Variants in SEPTIN4 observed in about 807,000 individuals in gnomAD.
SEPTIN4 encodes the protein septin 4.
SEPTIN4 carries 52 observed loss-of-function variants against 107.1 expected under a neutral mutation model. The observed-to-expected ratio is 0.49, with a 90% confidence interval of 0.39 to 0.61. The LOEUF (loss-of-function observed/expected upper bound fraction) is 0.61. Ranked by LOEUF, SEPTIN4 falls within the 20% of genes least tolerant of loss-of-function variation. SEPTIN4 has a pLI of 0.00. For synonymous variants in SEPTIN4, 417 were observed against 467.0 expected (o/e 0.89, Z 1.38); for missense variants, 1,048 against 1,243.5 (o/e 0.84, Z 2.36).
At chr17:58,537,943 G>T (rs1223671533) in intron 3 of SEPTIN4, among the ~76,000 whole-genome samples, 1 of 151,366 alleles carries the variant, frequency 6.6e-6, no homozygotes, top group African/African-American at 2.4e-5. Flanking sequence ...CAAAGCAAGA[G>T]AAATGCCGGG....
At chr17:58,537,956 C>G (rs977335711) in intron 3 of SEPTIN4, among the ~76,000 whole-genome samples, 1 of 150,942 alleles carries the variant, frequency 6.6e-6, no homozygotes, top group Non-Finnish European at 1.5e-5. Flanking sequence ...ATGCCGGGTG[C>G]AGTGGTTGGT....
Position 58,543,318 on chromosome 17 carries a change from C to T in SEPTIN4, c.869G>A (p.Arg290Gln), listed in dbSNP as rs765259933. 17 of 1,614,148 alleles carry T rather than the reference C, an allele frequency of 1.1e-5. No individual in the cohort carries two copies. Among genetic ancestry groups the T allele is most frequent in the Middle Eastern group, 1.6e-4 (1 of 6,062 alleles). The change falls in exon 1 of 14, where the codon CGG becomes CAG. Residue 290 changes from arginine to glutamine, a missense_variant. Coordinates refer to ENST00000672673, the MANE Select transcript of SEPTIN4 (RefSeq NM_001368771.2). ...CTTATGAAGAGACTCAGGGTCTACC[C>T]GTGCAGAAACTCGGTGTACACCATC... ...DSDGVHRVSA[R>Q]VDPESLHKYS...
chr17:58,521,020 C>A lies in SEPTIN4; in HGVS notation c.2809G>T (p.Val937Leu), dbSNP rs767092132. The A allele has an allele frequency of 6.2e-7, 1 of 1,614,174 alleles. No individual in the cohort carries two copies. The highest frequency in any genetic ancestry group is 8.5e-7 in the Non-Finnish European group (1 of 1,180,020). Residue 937 changes from valine (V) to leucine (L), a missense_variant, in exon 12 of 14, where the codon GTG (valine) becomes TTG (leucine). This residue lies in a region of SEPTIN4 where 261 missense variants were observed against 371.7 expected (regional missense o/e 0.70). Transcript: ENST00000672673. This position sits in a 1 kb window ranked among gnomAD's most constrained non-coding sequence, Gnocchi z 6.4. ...TACTTGCGATTCCGTTCCTTCACCA[C>A]CAGGCGGGTCATGCTCTGGATGCAC... is the stretch of plus-strand genomic sequence containing the variant. ...AQCIQSMTRL[V>L]VKERNRNKLT... is the part of the protein sequence containing the mutation.
Position 58,525,597 on chromosome 17 carries a change from T to C in SEPTIN4, c.2092+98A>G, listed in dbSNP as rs1191657290. 1.4e-5 allele frequency: 15 copies of C among 1,098,186 alleles called. No homozygotes were observed. The Admixed American group carries it at 2.3e-4, about 17-fold the overall frequency. The allele number at this position is 1,098,186 out of a possible 1,614,324, so 68.0% of individuals were successfully genotyped here. On this transcript the variant is annotated intron_variant, in intron 6 of 13. Transcript: ENST00000672673. ...TGCTGTCAGTCTCTCTAGGAGGCCA[T>C]GGTTTCCTGCATGTGGGGGAGAGCC... is the stretch of plus-strand genomic sequence containing the variant.
chr17:58,540,610 TG>T, intron 3 of SEPTIN4, 55 bp downstream of exon 3: 1 of 1,300,970 alleles, frequency 7.7e-7, no homozygotes, highest in Non-Finnish European at 9.8e-7. Flanking sequence ...GAGATGGATT[TG>T]GATTGTGGGG....
intron 3 of SEPTIN4, chr17:58,527,369 TAAGA>T: frequency 2.6e-6 from 1 of 385,596 alleles, no homozygotes; most frequent in Non-Finnish European, 5.0e-6. Context: ...CCAGACTGAT[TAAGA>T]TAGAGCAGAC....
At chr17:58,539,180 C>G (rs1408758540) in intron 3 of SEPTIN4, 1 of 1,534,242 alleles carries the variant, frequency 6.5e-7, no homozygotes, top group South Asian at 1.2e-5. Context: ...TTCTGGGGAG[C>G]AGCTCTGCTG....
chr17:58,544,285 G>A lies in SEPTIN4; in HGVS notation c.-99C>T. Reference sequence around the variant, plus strand: ...TGAATATTTACCCTGTTTTAAAGCTGCTGTTTCTTGGGCTCCCACAAAAGT... The same window carrying A: ...TGAATATTTACCCTGTTTTAAAGCTACTGTTTCTTGGGCTCCCACAAAAGT... On this transcript the variant is annotated 5_prime_UTR_variant, in exon 1 of 14. Coordinates refer to ENST00000672673, the MANE Select transcript of SEPTIN4 (RefSeq NM_001368771.2). 7 of 1,455,452 alleles carry A rather than the reference G, an allele frequency of 4.8e-6. No individual in the cohort carries two copies. The highest frequency in any genetic ancestry group is 6.4e-6 in the Non-Finnish European group (7 of 1,091,240). 90.2% of individuals were successfully genotyped at this position (1,455,452 alleles called of 1,614,324 possible).
chr17:58,532,495 T>C (rs546604755), intron 3 of SEPTIN4, among the ~76,000 whole-genome samples: 147 of 152,280 alleles, frequency 9.7e-4, no homozygotes, highest in African/African-American at 3.4e-3. Context: ...ATGCCCAAGT[T>C]ACTGATCACT....
chr17:58,520,806 G>T lies in SEPTIN4; in HGVS notation c.2868C>A (p.Ile956=). Reference sequence around the variant, plus strand: ...GATCTGTCCCTGGTGGGACAGCAGGGATGGGGAAGTCGGTACCACTTTCCC... The same window carrying T: ...GATCTGTCCCTGGTGGGACAGCAGGTATGGGGAAGTCGGTACCACTTTCCC... ...LTRESGTDFP[I]PAVPPGTDPE... The change falls in exon 13 of 14, where the codon ATC becomes ATA. Residue 956 remains isoleucine (I), a synonymous_variant. Coordinates refer to ENST00000672673, the MANE Select transcript of SEPTIN4 (RefSeq NM_001368771.2). The T allele has an allele frequency of 6.2e-7, 1 of 1,614,164 alleles. No homozygotes were observed. The highest frequency in any genetic ancestry group is 1.1e-5 in the South Asian group (1 of 91,080).
rs149914367 is a variant in SEPTIN4 at position 58,543,711 on chromosome 17, A to T, written c.476T>A (p.Leu159Ter). ...GTTATTCTTCTGGTCTTGAAAACTC[A>T]ACTGATGAGTAGATTTGGCATCTGG... ...SIPDAKSTHQ[L>*]SFQDQKNNLQ... The change falls in exon 1 of 14, where the codon TTG becomes TAG. Residue 159 changes from leucine to a stop codon, truncating the protein, a stop_gained. Coordinates refer to ENST00000672673, the MANE Select transcript of SEPTIN4 (RefSeq NM_001368771.2). LOFTEE classifies it high-confidence loss of function. 9.4e-5 allele frequency: 152 copies of T among 1,614,066 alleles called. No individual in the cohort carries two copies. Among genetic ancestry groups the T allele is most frequent in the Non-Finnish European group, 1.0e-4 (122 of 1,180,058 alleles).
At chr17:58,526,388 C>A in intron 4 of SEPTIN4, 75 bp from the exon 5 acceptor site, 1 of 1,406,614 alleles carries the variant, frequency 7.1e-7, no homozygotes. Flanking sequence ...AATCTTCTCT[C>A]CCTTTCAGGC....
Position 58,526,801 on chromosome 17 carries a change from G to T in SEPTIN4, c.1792C>A (p.Pro598Thr). ...DLYDDDLEFR[P>T]PSRPQSSDNQ... ...TCAGAGGACTGGGGCCGCGAGGGGG[G>T]TCTGAACTCCAGGTCATCATCATAG... is the stretch of plus-strand genomic sequence containing the variant. Residue 598 changes from proline to threonine, a missense_variant, in exon 4 of 14, where the codon CCC (proline) becomes ACC (threonine). Coordinates refer to ENST00000672673, the MANE Select transcript of SEPTIN4 (RefSeq NM_001368771.2). 3 of 1,613,730 alleles carry T rather than the reference G, an allele frequency of 1.9e-6. No homozygotes were observed. The highest frequency in any genetic ancestry group is 1.7e-4 in the Middle Eastern group (1 of 6,054).
At chr17:58,535,725 G>C (rs1345235573) in intron 3 of SEPTIN4, among the ~76,000 whole-genome samples, 1 of 152,182 alleles carries the variant, frequency 6.6e-6, no homozygotes, top group East Asian at 1.9e-4. Context: ...TTCACCACAA[G>C]CTCCTCAAGG....
chr17:58,521,484 T>C lies in SEPTIN4; in HGVS notation c.2571+61A>G. 1 of 1,590,018 alleles carries C rather than the reference T, an allele frequency of 6.3e-7. No individual in the cohort carries two copies. Among genetic ancestry groups the C allele is most frequent in the South Asian group, 1.1e-5 (1 of 90,614 alleles). ...CCCTGATAGCCTGAATATAGAATTCTACTCCCTTTTTCTACCCGGAAGAAA... is the reference window on the plus strand; with the variant it reads ...CCCTGATAGCCTGAATATAGAATTCCACTCCCTTTTTCTACCCGGAAGAAA... On this transcript the variant is annotated intron_variant, in intron 10 of 13. Transcript: ENST00000672673. This position sits in a 1 kb window ranked among gnomAD's most constrained non-coding sequence, Gnocchi z 6.4.
At chr17:58,527,564 A>T (rs891457911) in intron 3 of SEPTIN4, 5 of 211,942 alleles carry the variant, frequency 2.4e-5, no homozygotes, top group Admixed American at 5.3e-5. Flanking sequence ...CTGGTGCTCA[A>T]TTCCCAGGGT....
Position 58,528,883 on chromosome 17 carries a change from G to A in SEPTIN4, c.1615-1905C>T, listed in dbSNP as rs550974200. Among the ~76,000 whole-genome samples, 54 of 152,256 alleles carry A rather than the reference G, an allele frequency of 3.5e-4. 1 individual carries two copies. In the East Asian group the frequency reaches 8.3e-3, roughly 23 times the overall value. ...CCCATGATCTTCCAGCAGAGCCTCC[G>A]GGAACCCAGCACCATCCTCATCTCT... On this transcript the variant is annotated intron_variant, in intron 3 of 13. Coordinates refer to ENST00000672673, the MANE Select transcript of SEPTIN4 (RefSeq NM_001368771.2).
intron 3 of SEPTIN4, chr17:58,530,881 C>A (rs546679098): frequency 5.7e-4 from 87 of 152,432 alleles, no homozygotes; most frequent in African/African-American, 2.0e-3. Context: ...GAGACAAGAG[C>A]CCAAAAGGTT....
intron 3 of SEPTIN4, among the ~76,000 whole-genome samples, chr17:58,537,485 G>T (rs1019759446): frequency 6.6e-6 from 1 of 152,110 alleles, no homozygotes; most frequent in Non-Finnish European, 1.5e-5. Flanking sequence ...CATCTGACAG[G>T]GTAAGATGCT....
Sources: allele counts gnomAD v4.1 joint callset (sites outside exome capture counted in the v4.1 genomes callset), GRCh38; gene constraint gnomAD v4.1.1; regional missense constraint gnomAD v4.1.1; non-coding constraint Gnocchi (gnomAD v3.1); transcripts MANE v1.5; gene names NCBI Gene and HGNC (gene_info 2026-07-23, HGNC 2026-07-21).